The following RAPGEF2 variants were observed in gnomAD, a reference collection of about 807,000 sequenced individuals.
RAPGEF2 encodes the protein PDZ domain containing guanine nucleotide exchange factor (GEF) 1.
A neutral mutation model predicts 186.7 loss-of-function variants in RAPGEF2; 54 were observed. That is an observed-to-expected ratio of 0.29 (90% CI 0.23 to 0.36). The LOEUF (loss-of-function observed/expected upper bound fraction) is 0.36. Ranked by LOEUF, RAPGEF2 falls within the 10% of genes least tolerant of loss-of-function variation. The pLI is 1.00. For synonymous variants in RAPGEF2, 712 were observed against 705.9 expected (o/e 1.01, Z -0.14); for missense variants, 1,532 against 2,045.0 (o/e 0.75, Z 4.84).
At chr4:159,133,822 A>G (rs1741391538) in intron 1 of RAPGEF2, among the ~76,000 whole-genome samples, 1 of 151,966 alleles carries the variant, frequency 6.6e-6, no homozygotes, top group Admixed American at 6.6e-5. Flanking sequence ...TGACCTTGTG[A>G]TCCGCCCGCC....
intron 20 of RAPGEF2, among the ~76,000 whole-genome samples, chr4:159,342,582 T>TC (rs1729672025): frequency 6.9e-6 from 1 of 144,820 alleles, no homozygotes; most frequent in African/African-American, 2.5e-5. Context: ...TTTTATTTTA[T>TC]TTTATTTTAT....
intron 7 of RAPGEF2, among the ~76,000 whole-genome samples, chr4:159,271,701 A>G (rs561987644): frequency 6.6e-6 from 1 of 152,320 alleles, no homozygotes; most frequent in Admixed American, 6.5e-5. Flanking sequence ...TGTAGACTGC[A>G]TAATTATCAG....
At chr4:159,253,523 T>A (rs1579623502) in intron 7 of RAPGEF2, among the ~76,000 whole-genome samples, 1 of 152,242 alleles carries the variant, frequency 6.6e-6, no homozygotes, top group East Asian at 1.9e-4. Flanking sequence ...TTCTTTTAGT[T>A]GAAACTTCAA....
intron 1 of RAPGEF2, among the ~76,000 whole-genome samples, chr4:159,168,950 C>G (rs891885443): frequency 1.3e-5 from 2 of 152,146 alleles, no homozygotes; most frequent in African/African-American, 4.8e-5. Flanking sequence ...CTTCTGACAA[C>G]CGTTATTCAT....
At chr4:159,338,815 AT>A (rs1430761906) in intron 18 of RAPGEF2, among the ~76,000 whole-genome samples, 1 of 152,238 alleles carries the variant, frequency 6.6e-6, no homozygotes, top group Non-Finnish European at 1.5e-5. Context: ...TACAGTAAAG[AT>A]TAACTCTGGA....
At chr4:159,230,018 A>C (rs1752459489) in intron 4 of RAPGEF2, among the ~76,000 whole-genome samples, 1 of 152,166 alleles carries the variant, frequency 6.6e-6, no homozygotes, top group Non-Finnish European at 1.5e-5. Flanking sequence ...GACATGCTGA[A>C]ATTACGTTGA....
At chr4:159,280,539 G>C (rs189377404) in intron 7 of RAPGEF2, among the ~76,000 whole-genome samples, 3 of 152,140 alleles carry the variant, frequency 2.0e-5, no homozygotes, top group African/African-American at 7.2e-5. Flanking sequence ...GAAGGAGTTC[G>C]TGTCAAGTGC....
intron 7 of RAPGEF2, among the ~76,000 whole-genome samples, chr4:159,253,849 T>A (rs867787455): frequency 1.4e-4 from 22 of 151,970 alleles, no homozygotes; most frequent in African/African-American, 5.1e-4. Context: ...GCGCCTGTAG[T>A]CCCAGCTACT....
chr4:159,261,252 T>A (rs142587415), intron 7 of RAPGEF2, among the ~76,000 whole-genome samples: 1 of 151,778 alleles, frequency 6.6e-6, no homozygotes, highest in East Asian at 1.9e-4. Context: ...TTAGTAGAGA[T>A]GGGGTTTCAC....
At chr4:159,282,766 C>G (rs113109217) in intron 7 of RAPGEF2, 146 of 352,422 alleles carry the variant, frequency 4.1e-4, no homozygotes, top group East Asian at 2.3e-3. Flanking sequence ...GGATTTGGGG[C>G]TGTATTTAAA....
At chr4:159,112,622 C>G (rs1560973637) in intron 1 of RAPGEF2, among the ~76,000 whole-genome samples, 1 of 151,938 alleles carries the variant, frequency 6.6e-6, no homozygotes, top group Admixed American at 6.6e-5. Context: ...TAAATAAAAG[C>G]AGGAGAAGAG....
rs1731085422 is a variant in RAPGEF2 at position 159,350,949 on chromosome 4, T to C, written c.3865+660T>C. 2.1e-5 allele frequency: 26 copies of C among 1,261,674 alleles called. No homozygotes were observed. The South Asian group carries it at 3.6e-4, about 18-fold the overall frequency. 78.2% of individuals were successfully genotyped at this position (1,261,674 alleles called of 1,614,324 possible). A position where few individuals can be genotyped will look rare whatever the true frequency, so the allele number is the denominator to read the frequency against. On this transcript the variant is annotated intron_variant, in intron 26 of 29. Transcript: ENST00000691494. ...TTAAATTTCACTGACTCAACAGGTATTGCTTTACTTGGTAGATATTTCAGA... is the reference window on the plus strand; with the variant it reads ...TTAAATTTCACTGACTCAACAGGTACTGCTTTACTTGGTAGATATTTCAGA...
chr4:159,323,798 A>C (rs1337174231), intron 11 of RAPGEF2, among the ~76,000 whole-genome samples, 181 bp downstream of exon 11: 1 of 150,680 alleles, frequency 6.6e-6, no homozygotes, highest in Non-Finnish European at 1.5e-5. Context: ...GGCTCACTGC[A>C]ACATCTGCCT....
chr4:159,191,508 A>C (rs757912601), intron 2 of RAPGEF2, among the ~76,000 whole-genome samples: 1 of 152,210 alleles, frequency 6.6e-6, no homozygotes, highest in Non-Finnish European at 1.5e-5. Flanking sequence ...TGGGAGGCCA[A>C]GGTGGACGGA....
At chr4:159,216,605 A>G (rs1443830533) in intron 4 of RAPGEF2, among the ~76,000 whole-genome samples, 1 of 152,064 alleles carries the variant, frequency 6.6e-6, no homozygotes, top group African/African-American at 2.4e-5. Flanking sequence ...AGGGAGTGAA[A>G]TAGTTACAGA....
chr4:159,299,826 G>T (rs996593675), intron 7 of RAPGEF2, among the ~76,000 whole-genome samples: 1 of 151,552 alleles, frequency 6.6e-6, no homozygotes, highest in Non-Finnish European at 1.5e-5. Context: ...CTTAAATAAT[G>T]TGTAGAATTT....
rs763689117 is a variant in RAPGEF2 at position 159,314,666 on chromosome 4, G to T, written c.751G>T (p.Asp251Tyr). 2 of 1,614,000 alleles carry T rather than the reference G, an allele frequency of 1.2e-6. No individual in the cohort carries two copies. The highest frequency in any genetic ancestry group is 2.2e-5 in the East Asian group (1 of 44,852). Residue 251 changes from aspartate (D) to tyrosine (Y), a missense_variant, in exon 9 of 30, where the codon GAT (aspartate) becomes TAT (tyrosine). Asp to Tyr is a radical substitution (Grantham distance 160, BLOSUM62 -3). This residue lies in a region of RAPGEF2 where 810 missense variants were observed against 1,210.5 expected (regional missense o/e 0.67). Transcript: ENST00000691494. ...AGCAGTGGATTCCGAAGACGACGAC[G>T]ATGAAGAAGACATTGAGAGAGCATC... is the stretch of plus-strand genomic sequence containing the variant. The part of the protein sequence containing the change: ...ETAVDSEDDD[D>Y]EEDIERASDP...
At chr4:159,292,710 ACAAT>A (rs1370639858) in intron 7 of RAPGEF2, among the ~76,000 whole-genome samples, 1 of 152,210 alleles carries the variant, frequency 6.6e-6, no homozygotes, top group Non-Finnish European at 1.5e-5. Context: ...TCAAAATCAA[ACAAT>A]CAAGTAGGTG....
In RAPGEF2 at chr4:159,304,196, CAA is replaced by C. The variant is rs1480687114; in HGVS notation, c.544-145_544-144del. 114 of 705,400 alleles carry C rather than the reference CAA, an allele frequency of 1.6e-4. No individual in the cohort carries two copies. The East Asian group carries it at 3.5e-3, about 22-fold the overall frequency. 43.7% of individuals were successfully genotyped at this position (705,400 alleles called of 1,614,324 possible). Reference sequence around the variant, plus strand: ...TATATGTGATTTTGGGTAAATAAGACAATATTTAGTAATTTGTGAATGTGGAA... The same window carrying C: ...TATATGTGATTTTGGGTAAATAAGACTATTTAGTAATTTGTGAATGTGGAA... On this transcript the variant is annotated intron_variant, in intron 7 of 29. Coordinates refer to ENST00000691494, the MANE Select transcript of RAPGEF2 (RefSeq NM_001394067.2).
Sources: allele counts gnomAD v4.1 joint callset (sites outside exome capture counted in the v4.1 genomes callset), GRCh38; gene constraint gnomAD v4.1.1; regional missense constraint gnomAD v4.1.1; transcripts MANE v1.5; gene names NCBI Gene and HGNC (gene_info 2026-07-23, HGNC 2026-07-21).